CC2D2B: variants seen among roughly 807,000 people sequenced by gnomAD.
CC2D2B encodes the protein protein CC2D2B.
A neutral mutation model predicts 161.2 loss-of-function variants in CC2D2B; 128 were observed. The ratio of observed to expected loss-of-function variants is 0.79; its 90% confidence interval spans 0.69 to 0.92. CC2D2B has a LOEUF of 0.92. Among genes scored for constraint, CC2D2B ranks in the 40% least tolerant of loss-of-function variants. The pLI, the probability that CC2D2B is intolerant of heterozygous loss-of-function variation, is 0.00. For missense variants in CC2D2B, 1,173 were observed against 1,375.1 expected (o/e 0.85, Z 2.32); for synonymous variants, 391 against 449.8 (o/e 0.87, Z 1.65).
At chr10:95,941,175 A>G (rs530376028) in intron 9 of CC2D2B, among the ~76,000 whole-genome samples, 18 of 152,204 alleles carry the variant, frequency 1.2e-4, no homozygotes, top group Admixed American at 5.2e-4. Flanking sequence ...ATCTTACATC[A>G]TACACAAACA....
At chr10:95,908,759 G>A (rs1472390646) in intron 1 of CC2D2B, among the ~76,000 whole-genome samples, 1 of 94,862 alleles carries the variant, frequency 1.1e-5, no homozygotes, top group Non-Finnish European at 2.8e-5. Context: ...TACATCTTCA[G>A]GTTTGAATAA....
intron 3 of CC2D2B, 22 bp from the exon 4 acceptor site, chr10:95,924,292 T>C (rs1203296541): frequency 6.7e-6 from 9 of 1,337,174 alleles, no homozygotes; most frequent in Non-Finnish European, 9.1e-6. Context: ...ATAAACTCTT[T>C]ATTATGTTGG....
At position 95,944,786 on chromosome 10, in the gene CC2D2B, A is replaced by C. The variant is rs1480752517; in HGVS notation, c.802-5110A>C. Among the ~76,000 whole-genome samples, 4 of 152,226 alleles carry C rather than the reference A, an allele frequency of 2.6e-5. No homozygotes were observed. The East Asian group carries it at 7.7e-4, about 29-fold the overall frequency. ...TCTGTTCTAGCTTCATCCAAGCACAATTACAGGATTTCATGGACTGCTATA... is the reference window on the plus strand; with the variant it reads ...TCTGTTCTAGCTTCATCCAAGCACACTTACAGGATTTCATGGACTGCTATA... On this transcript the variant is annotated intron_variant, in intron 9 of 34. Transcript: ENST00000646931.
At chr10:96,029,274 A>ATATGTATATC (rs1554854771) in intron 34 of CC2D2B, among the ~76,000 whole-genome samples, 28 of 65,224 alleles carry the variant, frequency 4.3e-4, no homozygotes, top group Non-Finnish European at 6.6e-4. Flanking sequence ...ATATATATAT[A>ATATGTATATC]TATATATATA....
In CC2D2B at chr10:96,031,909, T is replaced by C. The variant is rs775423117; in HGVS notation, c.4215T>C (p.Phe1405=). 6.2e-6 allele frequency: 10 copies of C among 1,613,316 alleles called. No homozygotes were observed. The highest frequency in any genetic ancestry group is 8.5e-6 in the Non-Finnish European group (10 of 1,179,272). The part of the protein sequence containing the change: ...VYQTGIHSAE[F]PQTEFALAVY... ...AAACTGGAATTCACTCTGCTGAATT[T>C]CCCCAGACAGAATTTGCTTTAGCTG... Residue 1405 remains phenylalanine (F), a synonymous_variant, in exon 35 of 35, where the codon TTT becomes TTC. Transcript: ENST00000646931.
chr10:95,944,501 A>G (rs2141302818), intron 9 of CC2D2B, among the ~76,000 whole-genome samples: 1 of 152,318 alleles, frequency 6.6e-6, no homozygotes, highest in South Asian at 2.1e-4. Flanking sequence ...GTGACAATGC[A>G]TTTTATCTAA....
chr10:96,002,768 A>G (rs150850536), intron 24 of CC2D2B, among the ~76,000 whole-genome samples: 5 of 152,302 alleles, frequency 3.3e-5, no homozygotes, highest in Admixed American at 3.3e-4. Context: ...GGCTTCAGAA[A>G]GTTAGAGAAG....
rs868685785 is a variant in CC2D2B at position 95,949,592 on chromosome 10, G to A, written c.802-304G>A. On this transcript the variant is annotated intron_variant, in intron 9 of 34. Coordinates refer to ENST00000646931, the MANE Select transcript of CC2D2B (RefSeq NM_001349008.3). The stretch of plus-strand genomic sequence containing the variant: ...TTAGTGGGTGCAGCGCACCAGCATG[G>A]CACATGTATACATATGTAACTAACC... Among the ~76,000 whole-genome samples the A allele has an allele frequency of 3.4e-3, 460 of 133,596 alleles. 3 individuals are homozygous for A. The highest frequency in any genetic ancestry group is 5.1e-3 in the Non-Finnish European group (327 of 63,808). The allele number at this position is 133,596 out of a possible 152,430, so 87.6% of individuals were successfully genotyped here.
At position 96,032,039 on chromosome 10, in the gene CC2D2B, CT is replaced by C; in HGVS notation, c.*32del. ...AAGCAGAGCAAAGTAAAAGATTGTA[CT>C]ATAGTCCTCTAGTACCAACAAAAAC... On this transcript the variant is annotated 3_prime_UTR_variant, in exon 35 of 35. Coordinates refer to ENST00000646931, the MANE Select transcript of CC2D2B (RefSeq NM_001349008.3). 1 of 1,542,242 alleles carries C rather than the reference CT, an allele frequency of 6.5e-7. No homozygotes were observed. Among genetic ancestry groups the C allele is most frequent in the Non-Finnish European group, 8.9e-7 (1 of 1,124,826 alleles).
At chr10:96,024,688 G>C (rs1001724339) in intron 32 of CC2D2B, among the ~76,000 whole-genome samples, 165 bp from the exon 33 acceptor site, 2 of 152,056 alleles carry the variant, frequency 1.3e-5, no homozygotes, top group East Asian at 3.9e-4. Context: ...GAAGCAGTGT[G>C]AAAATAAAAG....
intron 24 of CC2D2B, among the ~76,000 whole-genome samples, chr10:95,998,211 T>C (rs1207107617): frequency 6.6e-6 from 1 of 152,148 alleles, no homozygotes; most frequent in Non-Finnish European, 1.5e-5. Flanking sequence ...TCCCTCAGCA[T>C]CAACATCTGC....
At chr10:96,014,593 A>C (rs1171933917) in intron 29 of CC2D2B, among the ~76,000 whole-genome samples, 1 of 152,224 alleles carries the variant, frequency 6.6e-6, no homozygotes, top group Non-Finnish European at 1.5e-5. Flanking sequence ...TCAAAATCCT[A>C]GTTCAAAGAC....
Position 95,950,071 on chromosome 10 carries a change from A to G in CC2D2B, c.977A>G (p.Gln326Arg), listed in dbSNP as rs1285653426. 5.0e-6 allele frequency: 2 copies of G among 398,846 alleles called. No homozygotes were observed. Among genetic ancestry groups the G allele is most frequent in the South Asian group, 1.3e-4 (1 of 7,858 alleles). 24.7% of individuals were successfully genotyped at this position (398,846 alleles called of 1,614,324 possible). Residue 326 changes from glutamine to arginine, a missense_variant, in exon 10 of 35, where the codon CAG (glutamine) becomes CGG (arginine). Gln to Arg is a conservative substitution (Grantham distance 43, BLOSUM62 1). This residue lies in a region of CC2D2B where 298 missense variants were observed against 261.2 expected (regional missense o/e 1.14). Transcript: ENST00000646931. ...CTTTATGAATGTTTTCAGGACAGGC[A>G]GCAACAGAATGTATCTCAGCTGCTT... ...LQLYECFQDR[Q>R]QQNVSQLLYE...
chr10:95,932,914 T>G (rs2075663266), intron 6 of CC2D2B, among the ~76,000 whole-genome samples: 1 of 152,234 alleles, frequency 6.6e-6, no homozygotes, highest in Non-Finnish European at 1.5e-5. Context: ...TTCCTGAATT[T>G]GAATGTTGAC....
intron 2 of CC2D2B, among the ~76,000 whole-genome samples, chr10:95,914,176 A>G (rs113017517): frequency 6.6e-6 from 1 of 152,188 alleles, no homozygotes; most frequent in East Asian, 1.9e-4. Flanking sequence ...ATTCTTCTGC[A>G]TATGGATATC....
chr10:95,919,904 T>A (rs1295938246), intron 2 of CC2D2B: 4 of 151,868 alleles, frequency 2.6e-5, no homozygotes, highest in Non-Finnish European at 5.9e-5. Flanking sequence ...TTCCCTTTTC[T>A]TTCCTCAAGC....
At chr10:95,930,876 G>C (rs1443950715) in intron 6 of CC2D2B, among the ~76,000 whole-genome samples, 1 of 152,142 alleles carries the variant, frequency 6.6e-6, no homozygotes, top group Non-Finnish European at 1.5e-5. Context: ...ACAGGTTTTG[G>C]TATCAGGATG....
At position 95,979,798 on chromosome 10, in the gene CC2D2B, A is replaced by T. The variant is rs540684512; in HGVS notation, c.1944-2177A>T. Among the ~76,000 whole-genome samples, 493 of 152,372 alleles carry T rather than the reference A, an allele frequency of 3.2e-3. 5 individuals carry two copies. The highest frequency in any genetic ancestry group is 0.016 in the South Asian group (79 of 4,832). On this transcript the variant is annotated intron_variant, in intron 17 of 34. Transcript: ENST00000646931. Reference sequence around the variant, plus strand: ...GGTTTTAATATATTCACAGGCTTGTACAACCATCATTACAATCTGGAAATG... The same window carrying T: ...GGTTTTAATATATTCACAGGCTTGTTCAACCATCATTACAATCTGGAAATG...
chr10:96,013,543 C>T (rs902358741), intron 28 of CC2D2B, among the ~76,000 whole-genome samples: 2 of 151,540 alleles, frequency 1.3e-5, no homozygotes, highest in Admixed American at 1.3e-4. Context: ...TGGTTACATG[C>T]ACCCTGTGCA....
Sources: allele counts gnomAD v4.1 joint callset (sites outside exome capture counted in the v4.1 genomes callset), GRCh38; gene constraint gnomAD v4.1.1; regional missense constraint gnomAD v4.1.1; transcripts MANE v1.5; gene names NCBI Gene and HGNC (gene_info 2026-07-23, HGNC 2026-07-21).